Variants in TENM2 observed in about 807,000 individuals in gnomAD.
TENM2 encodes teneurin-2.
Under a neutral mutation model 245.2 loss-of-function variants are expected in TENM2, and 52 were observed. The ratio of observed to expected loss-of-function variants is 0.21; its 90% confidence interval spans 0.17 to 0.27. The LOEUF is 0.27. Among genes scored for constraint, TENM2 ranks in the 10% least tolerant of loss-of-function variants. The probability of loss-of-function intolerance (pLI) is 1.00; values close to 1 mark genes in which losing one functional copy is unlikely to be tolerated. For missense variants in TENM2, 3,046 were observed against 3,666.8 expected (o/e 0.83, Z 4.37); for synonymous variants, 1,363 against 1,438.9 (o/e 0.95, Z 1.19).
chr5:167,649,017 T>C (rs1037738132), intron 2 of TENM2, among the ~76,000 whole-genome samples: 2 of 152,164 alleles, frequency 1.3e-5, no homozygotes, highest in African/African-American at 4.8e-5. Flanking sequence ...TGTGGTTTCA[T>C]TGGTAGTGAA....
At chr5:167,640,245 A>G (rs1451601828) in intron 2 of TENM2, among the ~76,000 whole-genome samples, 1 of 152,214 alleles carries the variant, frequency 6.6e-6, no homozygotes, top group African/African-American at 2.4e-5. Flanking sequence ...CTCGTTTCTA[A>G]TATGGATAGT....
chr5:167,651,809 C>T (rs762237730), intron 2 of TENM2, among the ~76,000 whole-genome samples: 2 of 152,102 alleles, frequency 1.3e-5, no homozygotes, highest in Non-Finnish European at 2.9e-5. Context: ...TCTGAACACA[C>T]GTAGCTTCCA....
the TENM2 span, among the ~76,000 whole-genome samples, chr5:167,013,102 G>A: frequency 2.0e-5 from 3 of 152,138 alleles, no homozygotes; most frequent in African/African-American, 7.2e-5. Context: ...CCATTGGAAA[G>A]TCTTATTTGA....
chr5:168,042,678 A>AAAACACAGCAACTTC (rs1354102903), intron 5 of TENM2, among the ~76,000 whole-genome samples: 4 of 152,102 alleles, frequency 2.6e-5, no homozygotes, highest in Non-Finnish European at 5.9e-5. Context: ...ACCTGGCACA[A>AAAACACAGCAACTTC]AAACACAGCA....
intron 2 of TENM2, among the ~76,000 whole-genome samples, chr5:167,744,358 A>C (rs916546995): frequency 3.9e-5 from 6 of 152,140 alleles, no homozygotes; most frequent in Non-Finnish European, 2.9e-5. Context: ...CTCTTGTTGG[A>C]ACAGGAACAG....
chr5:168,107,556 G>GC (rs1491586286), intron 9 of TENM2, among the ~76,000 whole-genome samples: 9 of 25,122 alleles, frequency 3.6e-4, no homozygotes, highest in Admixed American at 7.7e-4. Context: ...CAAGCCTCCT[G>GC]GGGGGGGGGT....
intron 2 of TENM2, among the ~76,000 whole-genome samples, chr5:167,778,925 C>T (rs577042314): frequency 2.0e-4 from 31 of 152,294 alleles, no homozygotes; most frequent in Non-Finnish European, 3.1e-4. Flanking sequence ...CAGTTGTCAA[C>T]GTCTGATCTG....
At chr5:167,967,689 G>A (rs977771311) in intron 4 of TENM2, among the ~76,000 whole-genome samples, 3 of 152,162 alleles carry the variant, frequency 2.0e-5, no homozygotes, top group Non-Finnish European at 4.4e-5. Flanking sequence ...TACAAATTGA[G>A]ACCACCCTGT....
chr5:167,344,063 C>T (rs890917949), intron 1 of TENM2, among the ~76,000 whole-genome samples: 1 of 150,996 alleles, frequency 6.6e-6, no homozygotes, highest in African/African-American at 2.4e-5. Context: ...ATTCACTTGT[C>T]ATGAGATGAG....
chr5:167,361,978 AT>A (rs570157341), intron 1 of TENM2, among the ~76,000 whole-genome samples: 204 of 152,162 alleles, frequency 1.3e-3, no homozygotes, highest in African/African-American at 4.8e-3. Context: ...TGACATAAGA[AT>A]TTTTTTTAAC....
At chr5:167,079,649 A>G in the TENM2 span, among the ~76,000 whole-genome samples, 1 of 151,800 alleles carries the variant, frequency 6.6e-6, no homozygotes, top group Non-Finnish European at 1.5e-5. Flanking sequence ...ATATACATAC[A>G]TAATAATATT....
chr5:167,167,691 T>C, the TENM2 span, among the ~76,000 whole-genome samples: 1 of 152,200 alleles, frequency 6.6e-6, no homozygotes, highest in East Asian at 1.9e-4. Flanking sequence ...GCCAACATAT[T>C]GTGACTGTTT....
chr5:168,078,481 G>T (rs1378765263), intron 7 of TENM2, among the ~76,000 whole-genome samples: 1 of 152,134 alleles, frequency 6.6e-6, no homozygotes, highest in African/African-American at 2.4e-5. Flanking sequence ...TGTTTTTGGT[G>T]TTTCAGTCGT....
chr5:167,452,619 T>C (rs1765650701), intron 2 of TENM2, among the ~76,000 whole-genome samples: 1 of 152,064 alleles, frequency 6.6e-6, no homozygotes, highest in African/African-American at 2.4e-5. Flanking sequence ...CCTGGGTTAC[T>C]GAGAACAAGA....
At chr5:168,104,420 A>G (rs1172081876) in intron 9 of TENM2, among the ~76,000 whole-genome samples, 1 of 152,154 alleles carries the variant, frequency 6.6e-6, no homozygotes, top group Non-Finnish European at 1.5e-5. Context: ...TCCTTCACTG[A>G]CAGCTGTGCC....
the TENM2 span, among the ~76,000 whole-genome samples, chr5:167,117,532 C>T: frequency 6.6e-6 from 1 of 151,908 alleles, no homozygotes; most frequent in African/African-American, 2.4e-5. Flanking sequence ...TAAAAAGAAG[C>T]CTAACCATAA....
the TENM2 span, among the ~76,000 whole-genome samples, chr5:167,244,710 G>A: frequency 2.6e-5 from 4 of 152,150 alleles, no homozygotes; most frequent in Non-Finnish European, 4.4e-5. Flanking sequence ...CCGAGGGATA[G>A]GTGCTGGGCT....
At chr5:167,151,670 C>A in the TENM2 span, among the ~76,000 whole-genome samples, 1 of 152,124 alleles carries the variant, frequency 6.6e-6, no homozygotes, top group African/African-American at 2.4e-5. Context: ...AGGCACCCGC[C>A]ACCCTGCCTG....
chr5:167,501,864 G>A (rs1235735598), intron 2 of TENM2, among the ~76,000 whole-genome samples: 1 of 152,070 alleles, frequency 6.6e-6, no homozygotes, highest in East Asian at 1.9e-4. Flanking sequence ...GTAAAAGAGG[G>A]GGTGGTAGGT....
Sources: gnomAD v4.1 joint callset for allele counts (sites outside exome capture counted in the v4.1 genomes callset) on GRCh38, gnomAD v4.1.1 for gene constraint, MANE v1.5 for transcripts, NCBI Gene and HGNC (gene_info 2026-07-23, HGNC 2026-07-21) for gene names.